HS6ST3: variants seen among roughly 807,000 people sequenced by gnomAD.
HS6ST3 encodes heparan sulfate 6-O-sulfotransferase 3.
Under a neutral mutation model 36.7 loss-of-function variants are expected in HS6ST3, and 12 were observed. The observed-to-expected ratio is 0.33, with a 90% CI of 0.21 to 0.53. The LOEUF (loss-of-function observed/expected upper bound fraction) is 0.53, where lower values mean the gene tolerates loss of function less well. Ranked by LOEUF, HS6ST3 falls within the 20% of genes least tolerant of loss-of-function variation. The pLI, the probability that HS6ST3 is intolerant of heterozygous loss-of-function variation, is 0.95. For synonymous variants in HS6ST3, 240 were observed against 257.5 expected (o/e 0.93, Z 0.65); for missense variants, 584 against 640.9 (o/e 0.91, Z 0.96).
At chr13:96,113,217 C>T (rs2053878984) in intron 1 of HS6ST3, among the ~76,000 whole-genome samples, 1 of 152,162 alleles carries the variant, frequency 6.6e-6, no homozygotes, top group Non-Finnish European at 1.5e-5. Context: ...AATAATCAAG[C>T]TCTCCTGTTC....
intron 1 of HS6ST3, among the ~76,000 whole-genome samples, chr13:96,099,815 G>A (rs1390044703): frequency 1.3e-5 from 2 of 152,158 alleles, no homozygotes; most frequent in Non-Finnish European, 2.9e-5. Flanking sequence ...AAAGGTTCTG[G>A]ATATTTAAGC....
At chr13:96,729,524 G>A (rs751050309) in intron 1 of HS6ST3, among the ~76,000 whole-genome samples, 5 of 152,078 alleles carry the variant, frequency 3.3e-5, no homozygotes, top group Admixed American at 1.3e-4. Flanking sequence ...TGGCCCGATC[G>A]TGGCTCACTG....
At chr13:96,554,567 T>C (rs1298991805) in intron 1 of HS6ST3, among the ~76,000 whole-genome samples, 1 of 152,198 alleles carries the variant, frequency 6.6e-6, no homozygotes, top group Non-Finnish European at 1.5e-5. Context: ...TCCTTATCTG[T>C]GGACTGTTAG....
intron 1 of HS6ST3, among the ~76,000 whole-genome samples, chr13:96,511,631 C>G (rs1260805783): frequency 6.7e-6 from 1 of 149,720 alleles, no homozygotes; most frequent in Non-Finnish European, 1.5e-5. Flanking sequence ...GATATGATTC[C>G]CTTGTTGGTG....
chr13:96,663,373 T>A (rs1402011892), intron 1 of HS6ST3, among the ~76,000 whole-genome samples: 2 of 152,180 alleles, frequency 1.3e-5, no homozygotes. Flanking sequence ...AAAGAAGTCA[T>A]GCAACTGGCT....
chr13:96,367,254 A>G (rs376741412), intron 1 of HS6ST3, among the ~76,000 whole-genome samples: 10 of 152,338 alleles, frequency 6.6e-5, no homozygotes, highest in African/African-American at 2.2e-4. Flanking sequence ...TCTTTATGGT[A>G]AAACTTTAAG....
chr13:96,377,488 A>G (rs1425096538), intron 1 of HS6ST3, among the ~76,000 whole-genome samples: 2 of 152,172 alleles, frequency 1.3e-5, no homozygotes, highest in Non-Finnish European at 2.9e-5. Flanking sequence ...GTTCTCAAGT[A>G]TTTTTGCTAT....
intron 1 of HS6ST3, among the ~76,000 whole-genome samples, chr13:96,278,767 A>G (rs1181238216): frequency 6.6e-6 from 1 of 152,220 alleles, no homozygotes; most frequent in African/African-American, 2.4e-5. Context: ...GTAATGGGTT[A>G]TCTAACCTTA....
chr13:96,685,699 C>T (rs1248451856), intron 1 of HS6ST3, among the ~76,000 whole-genome samples: 1 of 152,002 alleles, frequency 6.6e-6, no homozygotes, highest in Non-Finnish European at 1.5e-5. Context: ...AGAATTATAC[C>T]TCAAGGAGAT....
At chr13:96,578,389 G>A (rs904319412) in intron 1 of HS6ST3, among the ~76,000 whole-genome samples, 60 of 152,216 alleles carry the variant, frequency 3.9e-4, no homozygotes, top group Middle Eastern at 3.4e-3. Flanking sequence ...ATGAAGCTCC[G>A]AGCTGAAGCT....
intron 1 of HS6ST3, among the ~76,000 whole-genome samples, chr13:96,602,043 G>A (rs1387871387): frequency 6.6e-6 from 1 of 152,122 alleles, no homozygotes; most frequent in East Asian, 1.9e-4. Flanking sequence ...TTTTTTCCTA[G>A]TATTTTTTAA....
intron 1 of HS6ST3, among the ~76,000 whole-genome samples, chr13:96,388,095 A>G (rs1477735902): frequency 6.6e-6 from 1 of 152,242 alleles, no homozygotes; most frequent in Non-Finnish European, 1.5e-5. Flanking sequence ...TTTCTGGAAA[A>G]TAAATGTCAA....
chr13:96,360,878 G>A (rs1009067097), intron 1 of HS6ST3, among the ~76,000 whole-genome samples: 4 of 150,608 alleles, frequency 2.7e-5, no homozygotes, highest in East Asian at 2.0e-4. Context: ...CTTGGGAGGC[G>A]GAGGTTGCAG....
At chr13:96,644,326 C>T (rs976075755) in intron 1 of HS6ST3, among the ~76,000 whole-genome samples, 4 of 151,984 alleles carry the variant, frequency 2.6e-5, no homozygotes, top group Admixed American at 6.6e-5. Flanking sequence ...CATATAGATT[C>T]GGGGTCATAT....
chr13:96,399,538 T>C (rs901335223), intron 1 of HS6ST3, among the ~76,000 whole-genome samples: 30 of 152,258 alleles, frequency 2.0e-4, no homozygotes, highest in African/African-American at 5.5e-4. Flanking sequence ...TTTATATAAA[T>C]ATTCTTTATA....
At chr13:96,641,147 A>G (rs2056568750) in intron 1 of HS6ST3, among the ~76,000 whole-genome samples, 1 of 151,904 alleles carries the variant, frequency 6.6e-6, no homozygotes, top group Admixed American at 6.6e-5. Context: ...TTTGGGCAGT[A>G]TGACAAATGG....
At chr13:96,466,530 T>C (rs1019397321) in intron 1 of HS6ST3, among the ~76,000 whole-genome samples, 2 of 152,232 alleles carry the variant, frequency 1.3e-5, no homozygotes, top group African/African-American at 2.4e-5. Flanking sequence ...ATGCATTATT[T>C]GTCTTTCTAT....
rs1001433475 is a variant in HS6ST3 at position 96,671,875 on chromosome 13, C to A, written c.708-160615C>A. On this transcript the variant is annotated intron_variant, in intron 1 of 1. Transcript: ENST00000376705. ...GAAGGGCATGATTCAGTTCCTAACA[C>A]CGAGTTATGATTTATTCAATCTTAA... Among the ~76,000 whole-genome samples, 13 of 152,072 alleles carry A rather than the reference C, an allele frequency of 8.5e-5. 1 individual carries two copies. Among genetic ancestry groups the A allele is most frequent in the Non-Finnish European group, 1.9e-4 (13 of 68,006 alleles).
chr13:96,535,157 T>C (rs981355415), intron 1 of HS6ST3, among the ~76,000 whole-genome samples: 3 of 152,046 alleles, frequency 2.0e-5, no homozygotes, highest in Non-Finnish European at 2.9e-5. Flanking sequence ...GGTAGAAACA[T>C]GAATCCAGGA....
Sources: gnomAD v4.1 joint callset for allele counts (sites outside exome capture counted in the v4.1 genomes callset) on GRCh38, gnomAD v4.1.1 for gene constraint, MANE v1.5 for transcripts, NCBI Gene and HGNC (gene_info 2026-07-23, HGNC 2026-07-21) for gene names.